Variants in DST observed in about 807,000 individuals in gnomAD.
The protein encoded by DST is dystonin.
In DST, 253 loss-of-function variants were observed where a neutral mutation model predicts 875.2. The ratio of observed to expected loss-of-function variants is 0.29; its 90% CI spans 0.26 to 0.32. DST has a LOEUF of 0.32. Among genes scored for constraint, DST ranks in the 10% least tolerant of loss-of-function variants. The probability of loss-of-function intolerance (pLI) is 1.00; values close to 1 mark genes in which losing one functional copy is unlikely to be tolerated. For synonymous variants in DST, 3,124 were observed against 3,197.1 expected, an observed-to-expected ratio of 0.98 and a Z score of 0.77; for missense variants, 8,287 against 9,111.6, an observed-to-expected ratio of 0.91 and a Z score of 3.68.
At position 56,604,959 on chromosome 6, in the gene DST, A is replaced by G. The variant is rs763200483; in HGVS notation, c.9669T>C (p.Asn3223=). The change falls in exon 40 of 104, where the codon AAT becomes AAC. Residue 3223 remains asparagine, a synonymous_variant. Transcript: ENST00000680361. The stretch of plus-strand genomic sequence containing the variant: ...TACTAGTGGACTTCTCTTTTGTATT[A>G]TTAACTCCTAATTGTAAATGTTCTT... ...PMKEHLQLGV[N]NTKEKSTSTQ... 9 of 1,612,728 alleles carry G rather than the reference A, an allele frequency of 5.6e-6. No individual in the cohort carries two copies. In the South Asian group the frequency reaches 9.9e-5, roughly 18 times the overall value.
At chr6:56,643,738 G>A (rs1489763759) in intron 15 of DST, among the ~76,000 whole-genome samples, 1 of 152,130 alleles carries the variant, frequency 6.6e-6, no homozygotes, top group Non-Finnish European at 1.5e-5. Flanking sequence ...TTTCTTTTCA[G>A]GGGTCAAGAA....
At chr6:56,477,178 G>T (rs1173497506) in intron 91 of DST, among the ~76,000 whole-genome samples, 167 bp downstream of exon 91, 1 of 152,134 alleles carries the variant, frequency 6.6e-6, no homozygotes, top group East Asian at 1.9e-4. Flanking sequence ...AAAGAAAAGT[G>T]AATTGCAGAG....
chr6:56,680,959 A>G (rs2099154175), intron 9 of DST, among the ~76,000 whole-genome samples: 1 of 152,216 alleles, frequency 6.6e-6, no homozygotes, highest in African/African-American at 2.4e-5. Flanking sequence ...TACAATATAC[A>G]ATATCATTTT....
intron 4 of DST, among the ~76,000 whole-genome samples, chr6:56,781,178 T>C (rs1590188212): frequency 6.6e-6 from 1 of 152,350 alleles, no homozygotes; most frequent in South Asian, 2.1e-4. Flanking sequence ...AGCTTTGTTC[T>C]TTCGGCTTAG....
intron 2 of DST, among the ~76,000 whole-genome samples, chr6:56,942,092 C>T (rs1816898739): frequency 6.6e-6 from 1 of 152,152 alleles, no homozygotes; most frequent in African/African-American, 2.4e-5. Context: ...TCTGTTAATA[C>T]CATTTGCCTT....
intron 4 of DST, among the ~76,000 whole-genome samples, chr6:56,839,774 TA>T (rs1228333009): frequency 2.0e-5 from 3 of 152,198 alleles, no homozygotes; most frequent in African/African-American, 7.2e-5. Flanking sequence ...ACCATGCACA[TA>T]AGCAGATTTT....
intron 2 of DST, among the ~76,000 whole-genome samples, chr6:56,909,620 A>G (rs996409111): frequency 2.0e-5 from 3 of 152,254 alleles, no homozygotes; most frequent in Non-Finnish European, 4.4e-5. Context: ...CTGGTTCTCA[A>G]ACTTTATCAA....
intron 4 of DST, among the ~76,000 whole-genome samples, chr6:56,822,166 T>C (rs1268179839): frequency 1.3e-5 from 2 of 152,218 alleles, no homozygotes; most frequent in Non-Finnish European, 2.9e-5. Flanking sequence ...GGATTTATTC[T>C]CCACTGTAAA....
chr6:56,670,145 T>C (rs1408561873), intron 10 of DST, among the ~76,000 whole-genome samples: 2 of 150,648 alleles, frequency 1.3e-5, no homozygotes, highest in African/African-American at 4.9e-5. Flanking sequence ...TGTGTGTGTG[T>C]GTGTGTGTGT....
chr6:56,511,788 C>T (rs4236139), intron 72 of DST, among the ~76,000 whole-genome samples: 100,523 of 151,760 alleles, frequency 0.66, 33,788 homozygotes, highest in Non-Finnish European at 0.7. Context: ...GATGGTGTTC[C>T]TTTCTGCACA....
At chr6:56,471,414 T>C (rs956821294) in intron 94 of DST, 146 bp from the exon 95 acceptor site, 5 of 593,980 alleles carry the variant, frequency 8.4e-6, no homozygotes, top group Non-Finnish European at 1.1e-5. Flanking sequence ...AAAGGGGACT[T>C]AGAAACATTT....
chr6:56,713,729 G>A (rs999188036), intron 5 of DST, among the ~76,000 whole-genome samples: 10 of 152,168 alleles, frequency 6.6e-5, no homozygotes, highest in Admixed American at 3.3e-4. Context: ...GAGAGATTAG[G>A]ATAGGCATGA....
chr6:56,528,510 T>A (rs1241295349), intron 67 of DST, among the ~76,000 whole-genome samples: 1 of 152,152 alleles, frequency 6.6e-6, no homozygotes, highest in Non-Finnish European at 1.5e-5. Flanking sequence ...TAAAAAGAAA[T>A]TGTCTACAAC....
chr6:56,608,165 C>G lies in DST; in HGVS notation c.6463G>C (p.Ala2155Pro). ...AGCCATCTTCTGGCATTTTTACAAG[C>G]TTCTAAATCTCCTAAATCTGGCATT... is the stretch of plus-strand genomic sequence containing the variant. ...DKMPDLGDLE[A>P]CKNARRWLSF... is the part of the protein sequence containing the mutation. The change falls in exon 40 of 104, where the codon GCT becomes CCT. Residue 2155 changes from alanine to proline, a missense_variant. Physicochemically the swap from Ala to Pro is conservative, Grantham distance 27. Transcript: ENST00000680361. 1 of 1,613,700 alleles carries G rather than the reference C, an allele frequency of 6.2e-7. No individual in the cohort carries two copies. The highest frequency in any genetic ancestry group is 8.5e-7 in the Non-Finnish European group (1 of 1,179,738).
At position 56,592,146 on chromosome 6, in the gene DST, A is replaced by G. The variant is rs542589515; in HGVS notation, c.12903+36T>C. On this transcript the variant is annotated intron_variant, in intron 49 of 103. Coordinates refer to ENST00000680361, the MANE Select transcript of DST (RefSeq NM_001374736.1). ...GAGAAATTGGAAGCCTTTCAGTAAG[A>G]CTACTGGAAATGTGGATCTTTCTCT... 1.9e-6 allele frequency: 3 copies of G among 1,580,116 alleles called. No homozygotes were observed. The African/African-American group carries it at 4.0e-5, about 21-fold the overall frequency.
intron 3 of DST, among the ~76,000 whole-genome samples, chr6:56,892,896 A>C (rs998011964): frequency 6.6e-6 from 1 of 152,194 alleles, no homozygotes; most frequent in Non-Finnish European, 1.5e-5. Flanking sequence ...GGGGAGGAGG[A>C]ATAAAAGGAA....
At position 56,501,386 on chromosome 6, in the gene DST, GTT is replaced by G. The variant is rs2096118426; in HGVS notation, c.19740+132_19740+133del. ...ATCATCATATCCTTCTATGTTTTAAGTTTGACGCTCCTCATGGTTAAAATAGA... is the reference window on the plus strand; with the variant it reads ...ATCATCATATCCTTCTATGTTTTAAGTGACGCTCCTCATGGTTAAAATAGA... On this transcript the variant is annotated intron_variant, in intron 79 of 103. Transcript: ENST00000680361. 5.4e-6 allele frequency: 6 copies of G among 1,118,782 alleles called. No homozygotes were observed. The South Asian group carries it at 6.3e-5, about 12-fold the overall frequency. 69.3% of individuals were successfully genotyped at this position (1,118,782 alleles called of 1,614,324 possible). A position where few individuals can be genotyped will look rare whatever the true frequency, so the allele number is the denominator to read the frequency against.
chr6:56,769,900 G>C (rs1490419412), intron 4 of DST, among the ~76,000 whole-genome samples: 1 of 152,114 alleles, frequency 6.6e-6, no homozygotes, highest in African/African-American at 2.4e-5. Context: ...TCCATACTCT[G>C]CCCACTTCCA....
intron 3 of DST, among the ~76,000 whole-genome samples, chr6:56,886,264 G>A (rs1784632971): frequency 6.6e-6 from 1 of 152,162 alleles, no homozygotes; most frequent in Non-Finnish European, 1.5e-5. Flanking sequence ...GATAAACACA[G>A]GAGACAACAG....
Sources: allele counts gnomAD v4.1 joint callset (sites outside exome capture counted in the v4.1 genomes callset), GRCh38; gene constraint gnomAD v4.1.1; transcripts MANE v1.5; gene names NCBI Gene and HGNC (gene_info 2026-07-23, HGNC 2026-07-21).